NPIPB2: variants seen among roughly 807,000 people sequenced by gnomAD.
NPIPB2 encodes the protein nuclear pore complex interacting protein family member B2, also known as nuclear pore complex-interacting protein family member B2.
In NPIPB2, 27 loss-of-function variants were observed where a neutral mutation model predicts 30.8. That is an observed-to-expected ratio of 0.88 (90% CI 0.65 to 1.21). The LOEUF is 1.21. Among genes scored for constraint, NPIPB2 ranks in the 50% most tolerant of loss-of-function variants. NPIPB2 has a pLI of 0.00. For missense variants in NPIPB2, 440 were observed against 446.2 expected (o/e 0.99, Z 0.13); for synonymous variants, 147 against 162.0 (o/e 0.91, Z 0.70).
At chr16:11,976,639 G>T (rs967821834), upstream of NPIPB2, 4 of 401,202 alleles carry the variant, frequency 1.0e-5, no homozygotes, top group East Asian at 4.0e-5. Flanking sequence ...TCTGCGCCGC[G>T]GTTTACGTTC....
intron 1 of NPIPB2, among the ~76,000 whole-genome samples, chr16:11,957,877 A>G (rs930762193): frequency 1.3e-5 from 2 of 152,128 alleles, no homozygotes; most frequent in African/African-American, 4.8e-5. Flanking sequence ...GCATGAAGCA[A>G]TTCCTTAAAG....
At chr16:11,974,900 C>T (rs1000082883) in intron 1 of NPIPB2, among the ~76,000 whole-genome samples, 1 of 151,810 alleles carries the variant, frequency 6.6e-6, no homozygotes, top group African/African-American at 2.4e-5. Context: ...GTTGAAACCC[C>T]GTCTCTACTA....
intron 1 of NPIPB2, among the ~76,000 whole-genome samples, chr16:11,948,563 G>A (rs572120284): frequency 6.6e-6 from 1 of 151,800 alleles, no homozygotes. Context: ...TCAGGAGATC[G>A]AGACCATCCC....
intron 1 of NPIPB2, among the ~76,000 whole-genome samples, chr16:11,974,107 T>C (rs543112850): frequency 6.6e-6 from 1 of 152,112 alleles, no homozygotes; most frequent in Non-Finnish European, 1.5e-5. Context: ...TTTGAGAGAT[T>C]TGCTGTGTTA....
At chr16:11,933,795 C>G in intron 3 of NPIPB2, 30 bp downstream of exon 3, 1 of 1,592,792 alleles carries the variant, frequency 6.3e-7, no homozygotes, top group Middle Eastern at 2.3e-4. Flanking sequence ...AACTCATTTC[C>G]ACACTATGGG....
intron 1 of NPIPB2, chr16:11,941,773 C>G: frequency 9.3e-7 from 1 of 1,076,640 alleles, no homozygotes; most frequent in Non-Finnish European, 1.4e-6. Flanking sequence ...TTCCAATGAC[C>G]CCTCCCCCAT....
intron 1 of NPIPB2, among the ~76,000 whole-genome samples, chr16:11,965,683 C>T (rs11075036): frequency 0.11 from 16,852 of 152,060 alleles, 1,347 homozygotes; most frequent in Admixed American, 0.19. Flanking sequence ...TAAAAATCAG[C>T]TCTTCTAATT....
chr16:11,941,559 G>A (rs1462020641), intron 1 of NPIPB2, among the ~76,000 whole-genome samples: 1 of 151,780 alleles, frequency 6.6e-6, no homozygotes, highest in Admixed American at 6.6e-5. Flanking sequence ...GGAAGCAACA[G>A]GACACGCGGG....
chr16:11,956,512 T>C (rs531688154), intron 1 of NPIPB2, among the ~76,000 whole-genome samples: 2 of 151,984 alleles, frequency 1.3e-5, no homozygotes, highest in South Asian at 2.1e-4. Context: ...CCCATCTCTA[T>C]TAAAAATACA....
rs534190966 is a variant in NPIPB2, at chr16:11,952,274, G to C, written c.-583-10160C>G. ...AAGGCAGGAGAATGGTGTGAACCGG[G>C]GAGGTGGAGCTTGAAGTGAGCAGAG... On this transcript the variant is annotated intron_variant, in intron 1 of 5. Transcript: ENST00000538896. Among the ~76,000 whole-genome samples, 3 of 151,874 alleles carry C rather than the reference G, an allele frequency of 2.0e-5. No homozygotes were observed. The South Asian group carries it at 6.2e-4, about 32-fold the overall frequency.
intron 2 of NPIPB2, among the ~76,000 whole-genome samples, chr16:11,934,259 T>A (rs181645146): frequency 8.5e-5 from 5 of 58,930 alleles, no homozygotes; most frequent in South Asian, 5.4e-4. Flanking sequence ...CACACACACA[T>A]AAGAATGACA....
At chr16:11,959,757 C>T (rs1277436280) in intron 1 of NPIPB2, among the ~76,000 whole-genome samples, 2 of 152,114 alleles carry the variant, frequency 1.3e-5, no homozygotes, top group Admixed American at 6.6e-5. Context: ...TCTATTCAGA[C>T]ACTACCTATT....
At chr16:11,971,553 G>A (rs1010453993) in intron 1 of NPIPB2, among the ~76,000 whole-genome samples, 3 of 151,964 alleles carry the variant, frequency 2.0e-5, no homozygotes, top group Non-Finnish European at 2.9e-5. Context: ...GGAGTGCAGT[G>A]GCGCAACCTT....
chr16:11,932,816 C>T (rs62040800), intron 4 of NPIPB2, among the ~76,000 whole-genome samples: 8 of 74,210 alleles, frequency 1.1e-4, no homozygotes, highest in Non-Finnish European at 2.1e-4. Flanking sequence ...AAAAAATTGG[C>T]CAAATGTGGT....
intron 1 of NPIPB2, among the ~76,000 whole-genome samples, chr16:11,964,274 T>C (rs1178941157): frequency 6.6e-6 from 1 of 152,132 alleles, no homozygotes; most frequent in Non-Finnish European, 1.5e-5. Context: ...CAATGGAACA[T>C]AGATTATTGT....
At chr16:11,968,419 A>G (rs1367750887) in intron 1 of NPIPB2, 2 of 152,878 alleles carry the variant, frequency 1.3e-5, no homozygotes, top group African/African-American at 2.4e-5. Flanking sequence ...GGAGGTTGCA[A>G]TGAGCTGAGA....
chr16:11,974,576 C>T lies in NPIPB2; in HGVS notation c.-584+1992G>A, dbSNP rs550350643. 2.2e-3 allele frequency among the ~76,000 whole-genome samples: 337 copies of T among 152,082 alleles called. 1 individual carries two copies. The highest frequency in any genetic ancestry group is 7.8e-3 in the African/African-American group (324 of 41,482). ...ATGGATCAATTGAGTAAGTCTCCTT[C>T]AGCATTAGAGGAAAAAAAGAAAGTA... On this transcript the variant is annotated intron_variant, in intron 1 of 5. Coordinates refer to the NPIPB2 transcript ENST00000538896.
intron 1 of NPIPB2, among the ~76,000 whole-genome samples, chr16:11,951,619 TACACATACACACACACACACACAC>T (rs1206223321): frequency 1.7e-5 from 2 of 115,818 alleles, no homozygotes; most frequent in Non-Finnish European, 3.6e-5. Flanking sequence ...ACACTGCACA[TACACATACACACACACACACACAC>T]ACACACACAC....
chr16:11,953,475 C>T (rs866549533), intron 1 of NPIPB2, among the ~76,000 whole-genome samples: 18 of 151,984 alleles, frequency 1.2e-4, no homozygotes, highest in African/African-American at 4.1e-4. Context: ...CTCAGCCTCT[C>T]GAGTAGCTGA....
Sources: allele counts gnomAD v4.1 joint callset (sites outside exome capture counted in the v4.1 genomes callset), GRCh38; gene constraint gnomAD v4.1.1; transcripts MANE v1.5; gene names NCBI Gene and HGNC (gene_info 2026-07-23, HGNC 2026-07-21).